CTNNA2: variants seen among roughly 807,000 people sequenced by gnomAD.
CTNNA2 encodes catenin alpha 2, also known as catenin alpha-2.
A neutral mutation model predicts 101.0 loss-of-function variants in CTNNA2; 42 were observed. The ratio of observed to expected loss-of-function variants is 0.42; its 90% CI spans 0.32 to 0.54. The LOEUF is 0.54. Among genes scored for constraint, CTNNA2 ranks in the 20% least tolerant of loss-of-function variants. CTNNA2 has a pLI of 0.14. For missense variants in CTNNA2, 871 were observed against 1,223.1 expected (o/e 0.71, Z 4.29); for synonymous variants, 450 against 456.4 (o/e 0.99, Z 0.18).
At chr2:79,551,015 A>C (rs1272265977) in intron 1 of CTNNA2, among the ~76,000 whole-genome samples, 2 of 152,222 alleles carry the variant, frequency 1.3e-5, no homozygotes, top group Admixed American at 6.5e-5. Flanking sequence ...ACATTTCAAT[A>C]AATAAAAATT....
chr2:80,370,185 A>G (rs1675312239), intron 7 of CTNNA2, among the ~76,000 whole-genome samples: 1 of 152,080 alleles, frequency 6.6e-6, no homozygotes, highest in Non-Finnish European at 1.5e-5. Context: ...TGAAAGAGGT[A>G]GGAGAACTCA....
rs1232718438 is a variant in CTNNA2 at position 80,098,473 on chromosome 2, A to C, written c.1056+188676A>C. 6.6e-5 allele frequency among the ~76,000 whole-genome samples: 10 copies of C among 152,332 alleles called. 1 individual carries two copies. The East Asian group carries it at 1.4e-3, about 21-fold the overall frequency. On this transcript the variant is annotated intron_variant, in intron 7 of 18. Coordinates refer to ENST00000402739, the MANE Select transcript of CTNNA2 (RefSeq NM_001282597.3). ...GGGATCAGGGACCCACTTGAGAGGC[A>C]GTATCCCCGTTCTCGGATCTCAAGC...
At chr2:79,898,120 T>C (rs1414053249) in intron 6 of CTNNA2, among the ~76,000 whole-genome samples, 1 of 152,044 alleles carries the variant, frequency 6.6e-6, no homozygotes, top group African/African-American at 2.4e-5. Flanking sequence ...AGATTATATA[T>C]ATGGTTTCTT....
At chr2:79,520,863 A>C (rs1230176888) in intron 1 of CTNNA2, among the ~76,000 whole-genome samples, 1 of 151,978 alleles carries the variant, frequency 6.6e-6, no homozygotes. Context: ...TGTGATACTC[A>C]TACATTGCTG....
Position 80,628,470 on chromosome 2 carries a change from A to G in CTNNA2, c.2574+9242A>G, listed in dbSNP as rs558346746. On this transcript the variant is annotated intron_variant, in intron 18 of 18. Coordinates refer to ENST00000402739, the MANE Select transcript of CTNNA2 (RefSeq NM_001282597.3). Reference sequence around the variant, plus strand: ...TCAGAAATAACACCACACATCTACAACCAGTTTTCCCAACACTATTTATTA... The same window carrying G: ...TCAGAAATAACACCACACATCTACAGCCAGTTTTCCCAACACTATTTATTA... Among the ~76,000 whole-genome samples the G allele has an allele frequency of 1.2e-4, 18 of 151,098 alleles. No homozygotes were observed. In the East Asian group the frequency reaches 3.0e-3, roughly 25 times the overall value.
At chr2:80,520,530 A>G (rs979802240) in intron 9 of CTNNA2, among the ~76,000 whole-genome samples, 2 of 152,138 alleles carry the variant, frequency 1.3e-5, no homozygotes, top group African/African-American at 4.8e-5. Context: ...TGGTGCTAGC[A>G]TGGTCGGGTT....
chr2:79,238,130 A>T (rs934804782), intron 2 of CTNNA2, among the ~76,000 whole-genome samples: 2 of 151,796 alleles, frequency 1.3e-5, no homozygotes, highest in African/African-American at 4.8e-5. Flanking sequence ...GAAATCTGTG[A>T]CTCTTCCTTT....
intron 2 of CTNNA2, among the ~76,000 whole-genome samples, chr2:79,733,560 T>G (rs898826592): frequency 2.0e-5 from 3 of 151,988 alleles, no homozygotes; most frequent in Admixed American, 6.6e-5. Context: ...AGGCACGCAT[T>G]AAAGTATAAG....
chr2:80,485,085 A>G (rs917199914), intron 9 of CTNNA2, among the ~76,000 whole-genome samples: 1 of 152,176 alleles, frequency 6.6e-6, no homozygotes, highest in Non-Finnish European at 1.5e-5. Context: ...GTTTTGCAGA[A>G]TAGTTTGTAA....
intron 5 of CTNNA2, among the ~76,000 whole-genome samples, chr2:79,872,342 C>A (rs545829055): frequency 1.3e-5 from 2 of 151,810 alleles, no homozygotes; most frequent in Admixed American, 1.3e-4. Context: ...TTTTCACAAC[C>A]CGCATTTCTC....
At chr2:79,950,938 T>C (rs1688838737) in intron 7 of CTNNA2, among the ~76,000 whole-genome samples, 1 of 152,168 alleles carries the variant, frequency 6.6e-6, no homozygotes, top group African/African-American at 2.4e-5. Context: ...TTGAAATCTC[T>C]AAAACATGCT....
At chr2:80,076,845 A>G (rs755244697) in intron 7 of CTNNA2, among the ~76,000 whole-genome samples, 2 of 152,098 alleles carry the variant, frequency 1.3e-5, no homozygotes, top group African/African-American at 2.4e-5. Flanking sequence ...GGAGATTGAG[A>G]CCATTCTGGC....
At chr2:80,503,171 C>CA (rs1214311695) in intron 9 of CTNNA2, among the ~76,000 whole-genome samples, 168 of 148,842 alleles carry the variant, frequency 1.1e-3, no homozygotes, top group Middle Eastern at 3.4e-3. Flanking sequence ...AGACCTGTCT[C>CA]AAAAAAAAAA....
intron 3 of CTNNA2, among the ~76,000 whole-genome samples, chr2:79,320,542 A>G (rs1001649085): frequency 6.6e-6 from 1 of 152,200 alleles, no homozygotes; most frequent in African/African-American, 2.4e-5. Context: ...AGGGCTGAGA[A>G]GAGTCTACCT....
chr2:79,701,277 T>A (rs565838639), intron 2 of CTNNA2, among the ~76,000 whole-genome samples: 1 of 152,240 alleles, frequency 6.6e-6, no homozygotes, highest in East Asian at 1.9e-4. Context: ...TAGTGAGTAG[T>A]GGGTCCAGGG....
At chr2:80,540,067 G>T (rs1404511850) in intron 9 of CTNNA2, among the ~76,000 whole-genome samples, 2 of 152,066 alleles carry the variant, frequency 1.3e-5, no homozygotes, top group Non-Finnish European at 2.9e-5. Context: ...CATCTTTGGG[G>T]TTGCAATGTA....
At chr2:79,296,628 G>A (rs768348886) in intron 2 of CTNNA2, among the ~76,000 whole-genome samples, 2 of 152,128 alleles carry the variant, frequency 1.3e-5, no homozygotes, top group South Asian at 4.1e-4. Context: ...AATATTCATG[G>A]AGTTTACTGC....
At chr2:79,506,574 AAC>A (rs1671418155) in intron 5 of CTNNA2, among the ~76,000 whole-genome samples, 3 of 152,230 alleles carry the variant, frequency 2.0e-5, no homozygotes, top group Admixed American at 2.0e-4. Flanking sequence ...AGGAATTTGA[AAC>A]ACAGAGTGTT....
At chr2:80,446,116 G>C (rs949800539) in intron 9 of CTNNA2, among the ~76,000 whole-genome samples, 13 of 152,196 alleles carry the variant, frequency 8.5e-5, no homozygotes, top group Non-Finnish European at 1.8e-4. Context: ...AGTGTGGACT[G>C]TTGCCATAGC....
Sources: gnomAD v4.1 joint callset for allele counts (sites outside exome capture counted in the v4.1 genomes callset) on GRCh38, gnomAD v4.1.1 for gene constraint, MANE v1.5 for transcripts, NCBI Gene and HGNC (gene_info 2026-07-23, HGNC 2026-07-21) for gene names.